MARCHF1: variants seen among roughly 807,000 people sequenced by gnomAD.
MARCHF1 encodes membrane associated ring-CH-type finger 1.
A neutral mutation model predicts 54.2 loss-of-function variants in MARCHF1; 40 were observed. The observed-to-expected ratio is 0.74, with a 90% confidence interval of 0.57 to 0.96. The LOEUF is 0.96. Ranked by LOEUF, MARCHF1 falls within the 40% of genes least tolerant of loss-of-function variation. The probability of loss-of-function intolerance (pLI) is 0.00; values close to 1 mark genes in which losing one functional copy is unlikely to be tolerated. For synonymous variants in MARCHF1, 236 were observed against 236.3 expected (o/e 1.00, Z 0.01); for missense variants, 586 against 656.5 (o/e 0.89, Z 1.17).
In MARCHF1 at chr4:163,737,193, T is replaced by C. The variant is rs1225897537; in HGVS notation, c.112-36330A>G. ...TTTTTTTTTTTTTTTCACATATTAGTTTATTTATTTATTTTTTTTAATTTT... is the reference window on the plus strand; with the variant it reads ...TTTTTTTTTTTTTTTCACATATTAGCTTATTTATTTATTTTTTTTAATTTT... On this transcript the variant is annotated intron_variant, in intron 4 of 9. Transcript: ENST00000514618. 7.3e-5 allele frequency among the ~76,000 whole-genome samples: 6 copies of C among 82,098 alleles called. 1 individual carries two copies. The highest frequency in any genetic ancestry group is 1.8e-4 in the Non-Finnish European group (6 of 33,476). 53.9% of individuals were successfully genotyped at this position (82,098 alleles called of 152,430 possible). A position where few individuals can be genotyped will look rare whatever the true frequency, so the allele number is the denominator to read the frequency against.
chr4:163,772,477 G>GA (rs894059081), intron 4 of MARCHF1, among the ~76,000 whole-genome samples: 14 of 152,256 alleles, frequency 9.2e-5, no homozygotes, highest in Non-Finnish European at 8.8e-5. Flanking sequence ...AGGCTCTGGG[G>GA]AAAAATCCAC....
intron 2 of MARCHF1, among the ~76,000 whole-genome samples, chr4:164,006,990 G>GAA (rs57195057): frequency 4.3e-5 from 1 of 23,190 alleles, no homozygotes; most frequent in African/African-American, 2.3e-4. Context: ...TCTGAAATCT[G>GAA]AAAAAAAAAA....
chr4:164,056,911 A>C (rs1754502922), intron 2 of MARCHF1, among the ~76,000 whole-genome samples: 1 of 151,986 alleles, frequency 6.6e-6, no homozygotes, highest in Admixed American at 6.6e-5. Flanking sequence ...TCGCTCTCAC[A>C]CTGACCCAGC....
chr4:163,579,061 A>T (rs1409752504), intron 8 of MARCHF1, among the ~76,000 whole-genome samples: 1 of 152,172 alleles, frequency 6.6e-6, no homozygotes, highest in Non-Finnish European at 1.5e-5. Context: ...CTACTCTATA[A>T]TACCAATCTC....
intron 1 of MARCHF1, among the ~76,000 whole-genome samples, chr4:164,154,981 T>A (rs1468527885): frequency 6.6e-6 from 1 of 152,172 alleles, no homozygotes; most frequent in Non-Finnish European, 1.5e-5. Context: ...AGTTTGGCCA[T>A]CCAGCAGCTA....
chr4:163,768,428 A>C (rs1747055042), intron 4 of MARCHF1, among the ~76,000 whole-genome samples: 1 of 152,236 alleles, frequency 6.6e-6, no homozygotes, highest in Non-Finnish European at 1.5e-5. Flanking sequence ...TGAGCATATT[A>C]AAAATAGAAT....
At chr4:164,317,452 G>C (rs192901497) in intron 1 of MARCHF1, among the ~76,000 whole-genome samples, 2 of 152,192 alleles carry the variant, frequency 1.3e-5, no homozygotes, top group Admixed American at 1.3e-4. Flanking sequence ...CTTTCTTCAC[G>C]GTCTGTGCTG....
chr4:164,135,932 G>T (rs1041435931), intron 1 of MARCHF1, among the ~76,000 whole-genome samples: 1 of 152,020 alleles, frequency 6.6e-6, no homozygotes, highest in Admixed American at 6.6e-5. Flanking sequence ...AGGCCCAAAG[G>T]TAAATATTTT....
intron 1 of MARCHF1, among the ~76,000 whole-genome samples, chr4:164,136,230 T>C (rs1303334821): frequency 7.0e-6 from 1 of 141,940 alleles, no homozygotes; most frequent in Non-Finnish European, 1.5e-5. Context: ...TTTGTAGGAG[T>C]CTAGGAGTCC....
At chr4:163,730,398 C>T (rs1166002801) in intron 4 of MARCHF1, among the ~76,000 whole-genome samples, 3 of 152,028 alleles carry the variant, frequency 2.0e-5, no homozygotes. Context: ...TTCTCAGAAA[C>T]AGTTTCTTAT....
chr4:164,351,820 G>A (rs1265951484), intron 1 of MARCHF1, among the ~76,000 whole-genome samples: 14 of 151,802 alleles, frequency 9.2e-5, no homozygotes, highest in African/African-American at 1.7e-4. Context: ...TCTGAGCTAC[G>A]GGAGGACATT....
intron 5 of MARCHF1, among the ~76,000 whole-genome samples, chr4:163,636,093 T>C (rs1419412919): frequency 2.0e-5 from 3 of 152,118 alleles, no homozygotes; most frequent in Non-Finnish European, 4.4e-5. Flanking sequence ...TGGGACGTAT[T>C]TCAAAACAAT....
At chr4:163,724,239 G>A (rs1257944431) in intron 4 of MARCHF1, among the ~76,000 whole-genome samples, 4 of 152,148 alleles carry the variant, frequency 2.6e-5, no homozygotes, top group East Asian at 1.9e-4. Context: ...CCTTCTAATG[G>A]TCACGATCCT....
rs140930351 is a variant in MARCHF1, at chr4:163,665,627, G to A, written c.162+35186C>T. On this transcript the variant is annotated intron_variant, in intron 5 of 9. Transcript: ENST00000514618. ...AAATAAAAACCTGTTAAGGTCAACT[G>A]TGAACTAGTCCCCTTTATTCATCGT... Among the ~76,000 whole-genome samples the A allele has an allele frequency of 3.9e-5, 6 of 152,228 alleles. No individual in the cohort carries two copies. The East Asian group carries it at 1.2e-3, about 29-fold the overall frequency.
intron 8 of MARCHF1, among the ~76,000 whole-genome samples, chr4:163,556,985 C>T (rs983696255): frequency 5.3e-5 from 8 of 151,582 alleles, no homozygotes; most frequent in Non-Finnish European, 1.2e-4. Context: ...GGGAAAGGTC[C>T]ATGATTTTCA....
chr4:164,244,900 T>C, intron 1 of MARCHF1, among the ~76,000 whole-genome samples: 1 of 151,850 alleles, frequency 6.6e-6, no homozygotes, highest in Non-Finnish European at 1.5e-5. Context: ...CTCCCAAGAC[T>C]AAACCAGGAA....
chr4:163,727,250 A>T (rs1363686936), intron 4 of MARCHF1, among the ~76,000 whole-genome samples: 1 of 151,124 alleles, frequency 6.6e-6, no homozygotes, highest in Non-Finnish European at 1.5e-5. Flanking sequence ...TAGGTCTTTG[A>T]TCCATTTTGA....
chr4:163,661,295 C>T (rs1463791322), intron 5 of MARCHF1, among the ~76,000 whole-genome samples: 1 of 152,030 alleles, frequency 6.6e-6, no homozygotes, highest in African/African-American at 2.4e-5. Flanking sequence ...TATATTTTCT[C>T]TCCACACTCG....
intron 2 of MARCHF1, among the ~76,000 whole-genome samples, chr4:164,023,572 A>T (rs1344715823): frequency 6.6e-6 from 1 of 152,204 alleles, no homozygotes; most frequent in East Asian, 1.9e-4. Flanking sequence ...AAAATACTTA[A>T]AATAAAGACA....
Sources: gnomAD v4.1 joint callset for allele counts (sites outside exome capture counted in the v4.1 genomes callset) on GRCh38, gnomAD v4.1.1 for gene constraint, MANE v1.5 for transcripts, NCBI Gene and HGNC (gene_info 2026-07-23, HGNC 2026-07-21) for gene names.